Variants in GRM7 observed in about 807,000 individuals in gnomAD.
GRM7 encodes the protein glutamate metabotropic receptor 7, also known as metabotropic glutamate receptor 7.
A neutral mutation model predicts 84.5 loss-of-function variants in GRM7; 35 were observed. The ratio of observed to expected loss-of-function variants is 0.41; its 90% confidence interval spans 0.32 to 0.55. GRM7 has a LOEUF of 0.55. Among genes scored for constraint, GRM7 ranks in the 20% least tolerant of loss-of-function variants. The pLI is 0.19. For synonymous variants in GRM7, 487 were observed against 455.1 expected (o/e 1.07, Z -0.89); for missense variants, 1,003 against 1,194.6 (o/e 0.84, Z 2.36).
intron 2 of GRM7, among the ~76,000 whole-genome samples, chr3:7,229,760 T>TATATATATATATATATATATA (rs68069165): frequency 3.0e-4 from 7 of 23,564 alleles, no homozygotes; most frequent in African/African-American, 4.3e-4. Flanking sequence ...TATATATATA[T>TATATATATATATATATATATA]TTTTTTTTTT....
At chr3:7,016,469 A>G (rs1695569153) in intron 1 of GRM7, among the ~76,000 whole-genome samples, 1 of 152,160 alleles carries the variant, frequency 6.6e-6, no homozygotes, top group Admixed American at 6.5e-5. Flanking sequence ...GGAAGTCATC[A>G]TGATGGATGA....
chr3:7,172,396 T>C (rs1307835342), intron 2 of GRM7, among the ~76,000 whole-genome samples: 1 of 152,114 alleles, frequency 6.6e-6, no homozygotes, highest in Non-Finnish European at 1.5e-5. Flanking sequence ...ACTGTGGCCT[T>C]AACTCTGACA....
intron 4 of GRM7, chr3:7,402,955 TC>T (rs1486250601): frequency 3.2e-5 from 5 of 156,552 alleles, no homozygotes; most frequent in African/African-American, 1.2e-4. Flanking sequence ...TTGGTAAAAT[TC>T]CTTTTGAATT....
intron 4 of GRM7, among the ~76,000 whole-genome samples, chr3:7,369,946 G>C (rs886436698): frequency 2.0e-5 from 3 of 152,008 alleles, no homozygotes; most frequent in Non-Finnish European, 4.4e-5. Context: ...GATCCCACAG[G>C]TAACAGAAAT....
At chr3:6,981,509 C>A (rs1189716833) in intron 1 of GRM7, among the ~76,000 whole-genome samples, 2 of 152,100 alleles carry the variant, frequency 1.3e-5, no homozygotes. Flanking sequence ...AGGTTGTCTA[C>A]CTTGAGCACA....
intron 1 of GRM7, among the ~76,000 whole-genome samples, chr3:6,950,498 G>A (rs1692705486): frequency 1.3e-5 from 2 of 152,200 alleles, no homozygotes; most frequent in Admixed American, 6.5e-5. Context: ...GGCTGCTGGG[G>A]GGTCAGGGAC....
intron 8 of GRM7, among the ~76,000 whole-genome samples, chr3:7,661,688 G>A (rs555276971): frequency 6.7e-5 from 10 of 149,608 alleles, no homozygotes; most frequent in African/African-American, 9.8e-5. Flanking sequence ...CAGCTACTCC[G>A]AAGGCTGAGG....
chr3:7,081,413 G>A (rs1574875766), intron 1 of GRM7, among the ~76,000 whole-genome samples: 1 of 152,142 alleles, frequency 6.6e-6, no homozygotes, highest in African/African-American at 2.4e-5. Flanking sequence ...AACAGTCTCC[G>A]TGTAAGACAA....
intron 1 of GRM7, among the ~76,000 whole-genome samples, chr3:6,883,296 G>C (rs1473641037): frequency 6.6e-6 from 1 of 151,658 alleles, no homozygotes. Context: ...TTTTGTTATA[G>C]TTTTCAATGT....
chr3:7,562,300 G>A lies in GRM7; in HGVS notation c.1516-16122G>A, dbSNP rs114789901. On this transcript the variant is annotated intron_variant, in intron 7 of 9. Coordinates refer to ENST00000357716, the MANE Select transcript of GRM7 (RefSeq NM_000844.4). Reference sequence around the variant, plus strand: ...CAAAGGCATGGACACGATGTGCCAGGAAAAAAAGCTAAAACCCAAGTGAAG... The same window carrying A: ...CAAAGGCATGGACACGATGTGCCAGAAAAAAAAGCTAAAACCCAAGTGAAG... 3.3e-3 allele frequency among the ~76,000 whole-genome samples: 506 copies of A among 151,246 alleles called. 5 individuals are homozygous for A. The highest frequency in any genetic ancestry group is 0.014 in the Middle Eastern group (4 of 294).
intron 2 of GRM7, among the ~76,000 whole-genome samples, chr3:7,269,449 C>A (rs959768988): frequency 6.6e-6 from 1 of 152,144 alleles, no homozygotes; most frequent in East Asian, 1.9e-4. Flanking sequence ...CCTGAACCCC[C>A]CCCCCAGAGA....
At chr3:7,693,640 G>A (rs1354682812) in intron 9 of GRM7, 4 of 1,526,250 alleles carry the variant, frequency 2.6e-6, no homozygotes, top group Admixed American at 2.0e-5. Flanking sequence ...CAGGTGAGAA[G>A]TGCAACTGCT....
chr3:6,900,844 A>C (rs1269862339), intron 1 of GRM7, among the ~76,000 whole-genome samples: 2 of 152,214 alleles, frequency 1.3e-5, no homozygotes, highest in African/African-American at 2.4e-5. Context: ...ATTGTTTAAC[A>C]CACCACGACC....
intron 1 of GRM7, among the ~76,000 whole-genome samples, chr3:7,121,983 A>G (rs1693241316): frequency 6.6e-6 from 1 of 152,176 alleles, no homozygotes; most frequent in Admixed American, 6.6e-5. Context: ...TCTGTCTCAC[A>G]TGCTCACTTT....
chr3:6,943,193 A>AG (rs1697949165), intron 1 of GRM7, among the ~76,000 whole-genome samples: 1 of 151,862 alleles, frequency 6.6e-6, no homozygotes. Flanking sequence ...CTTTCAAAAA[A>AG]CTGAAGTTTT....
At chr3:7,133,039 T>C (rs1396596610) in intron 1 of GRM7, among the ~76,000 whole-genome samples, 1 of 152,120 alleles carries the variant, frequency 6.6e-6, no homozygotes, top group Non-Finnish European at 1.5e-5. Context: ...CCTGGAAAAG[T>C]ATCTTTTCAC....
At chr3:7,186,918 T>C (rs942270164) in intron 2 of GRM7, among the ~76,000 whole-genome samples, 1 of 152,160 alleles carries the variant, frequency 6.6e-6, no homozygotes, top group Non-Finnish European at 1.5e-5. Context: ...CATATACATA[T>C]GTCAAAGTTA....
chr3:7,347,225 G>A lies in GRM7; in HGVS notation c.1033+40573G>A, dbSNP rs571059281. ...ATTTAAATAGAGTGTTGTTACTACC[G>A]AGGTAACACAACATGCTTAAAACTA... On this transcript the variant is annotated intron_variant, in intron 4 of 9. Transcript: ENST00000357716. 2.6e-5 allele frequency among the ~76,000 whole-genome samples: 4 copies of A among 152,188 alleles called. No homozygotes were observed. The South Asian group carries it at 8.3e-4, about 32-fold the overall frequency.
chr3:7,498,851 C>T (rs538942206), intron 7 of GRM7, among the ~76,000 whole-genome samples: 1 of 152,266 alleles, frequency 6.6e-6, no homozygotes, highest in South Asian at 2.1e-4. Context: ...GAGGCCAGAG[C>T]CCTCCACTTT....
Sources: gnomAD v4.1 joint callset for allele counts (sites outside exome capture counted in the v4.1 genomes callset) on GRCh38, gnomAD v4.1.1 for gene constraint, MANE v1.5 for transcripts, NCBI Gene and HGNC (gene_info 2026-07-23, HGNC 2026-07-21) for gene names.